Variants in TOM1L2 observed in about 807,000 individuals in gnomAD.
TOM1L2 encodes target of myb1 like 2 membrane trafficking protein.
In TOM1L2, 31 loss-of-function variants were observed where a neutral mutation model predicts 67.9. That is an observed-to-expected ratio of 0.46 (90% CI 0.34 to 0.62). TOM1L2 has a LOEUF of 0.62. Ranked by LOEUF, TOM1L2 falls within the 20% of genes least tolerant of loss-of-function variation. The pLI is 0.01. For synonymous variants in TOM1L2, 256 were observed against 254.0 expected, an observed-to-expected ratio of 1.01 and a Z score of -0.07; for missense variants, 606 against 663.5, an observed-to-expected ratio of 0.91 and a Z score of 0.95.
At chr17:17,897,222 C>T (rs548720865) in intron 3 of TOM1L2, among the ~76,000 whole-genome samples, 14 of 152,292 alleles carry the variant, frequency 9.2e-5, no homozygotes, top group African/African-American at 2.9e-4. Flanking sequence ...GAAAGCCACT[C>T]GTTTTGGGCA....
At chr17:17,909,159 C>T (rs770586024) in intron 1 of TOM1L2, among the ~76,000 whole-genome samples, 3 of 152,070 alleles carry the variant, frequency 2.0e-5, no homozygotes, top group Non-Finnish European at 2.9e-5. Flanking sequence ...CCAACCCGGG[C>T]GACAGAGCCA....
At chr17:17,897,892 A>C (rs1274065194) in intron 3 of TOM1L2, among the ~76,000 whole-genome samples, 1 of 150,560 alleles carries the variant, frequency 6.6e-6, no homozygotes, top group Non-Finnish European at 1.5e-5. Flanking sequence ...AGTCCCAGGC[A>C]GGGGCAGGTA....
At chr17:17,866,544 C>A in intron 9 of TOM1L2, 125 bp from the exon 10 acceptor site, 3 of 1,274,566 alleles carry the variant, frequency 2.4e-6, no homozygotes, top group Non-Finnish European at 3.2e-6. Context: ...AGTACAGAAG[C>A]AAGGCCACTT....
At chr17:17,966,380 A>C (rs1435475113) in intron 1 of TOM1L2, among the ~76,000 whole-genome samples, 1 of 152,230 alleles carries the variant, frequency 6.6e-6, no homozygotes, top group African/African-American at 2.4e-5. Flanking sequence ...CCACAAGAAA[A>C]CCTACATTTA....
At chr17:17,861,767 G>A (rs1462020502) in intron 11 of TOM1L2, 1 of 519,216 alleles carries the variant, frequency 1.9e-6, no homozygotes, top group Admixed American at 3.4e-5. Flanking sequence ...AGCTCAGGCT[G>A]AGCCACTAAT....
At chr17:17,903,164 C>T (rs907272756) in intron 2 of TOM1L2, among the ~76,000 whole-genome samples, 1 of 152,164 alleles carries the variant, frequency 6.6e-6, no homozygotes, top group Admixed American at 6.5e-5. Flanking sequence ...TATAGCTTCT[C>T]TCTCTCTCCC....
chr17:17,876,203 C>T (rs1375533124), intron 7 of TOM1L2, among the ~76,000 whole-genome samples: 1 of 152,200 alleles, frequency 6.6e-6, no homozygotes, highest in Non-Finnish European at 1.5e-5. Flanking sequence ...AGGGCATGCA[C>T]TTTAGCAGGG....
chr17:17,906,392 G>T (rs113111319), intron 2 of TOM1L2, among the ~76,000 whole-genome samples: 38 of 152,050 alleles, frequency 2.5e-4, no homozygotes, highest in African/African-American at 8.9e-4. Flanking sequence ...GCCTCCCAAG[G>T]TGCTAGGATT....
At chr17:17,896,470 C>T (rs1825351463) in intron 3 of TOM1L2, among the ~76,000 whole-genome samples, 2 of 152,192 alleles carry the variant, frequency 1.3e-5, no homozygotes, top group South Asian at 2.1e-4. Flanking sequence ...TCCTGCACAG[C>T]AGTCCTCAAG....
At chr17:17,963,191 G>T (rs1432595742) in intron 1 of TOM1L2, among the ~76,000 whole-genome samples, 9 of 152,174 alleles carry the variant, frequency 5.9e-5, no homozygotes, top group Admixed American at 5.9e-4. Context: ...TTTTAGCACA[G>T]TTACTGGACT....
At chr17:17,883,950 G>A (rs2037860610) in intron 5 of TOM1L2, among the ~76,000 whole-genome samples, 1 of 152,148 alleles carries the variant, frequency 6.6e-6, no homozygotes. Context: ...GGCTAGGAGT[G>A]GAGTTGATTC....
At chr17:17,962,242 G>T (rs1032920980) in intron 1 of TOM1L2, among the ~76,000 whole-genome samples, 1 of 152,148 alleles carries the variant, frequency 6.6e-6, no homozygotes, top group Admixed American at 6.5e-5. Context: ...CAGGGGCTGG[G>T]GGGAGGAGGG....
At chr17:17,891,784 C>CGTGTGT (rs374192888) in intron 4 of TOM1L2, among the ~76,000 whole-genome samples, 5,710 of 143,158 alleles carry the variant, frequency 0.04, 188 homozygotes, top group East Asian at 0.087. Context: ...TGCATGCACA[C>CGTGTGT]GTGTGTGTGT....
At chr17:17,898,574 C>T in intron 3 of TOM1L2, 22 bp downstream of exon 3, 6 of 1,613,774 alleles carry the variant, frequency 3.7e-6, no homozygotes, top group Non-Finnish European at 5.1e-6. Flanking sequence ...TGACTTCTCT[C>T]CTCAAGGAGA....
intron 1 of TOM1L2, among the ~76,000 whole-genome samples, chr17:17,952,314 G>A (rs2041235842): frequency 6.6e-6 from 1 of 151,554 alleles, no homozygotes; most frequent in Non-Finnish European, 1.5e-5. Context: ...TACCTCTGGG[G>A]AGCCTAGTTG....
intron 8 of TOM1L2, 32 bp downstream of exon 8, chr17:17,869,308 G>GAAAAAAA (rs34879782): frequency 7.5e-7 from 1 of 1,330,890 alleles, no homozygotes. Flanking sequence ...CTTTTCAAGG[G>GAAAAAAA]AAAAAAAAAA....
At chr17:17,868,611 A>C (rs1358522840) in intron 8 of TOM1L2, among the ~76,000 whole-genome samples, 1 of 152,192 alleles carries the variant, frequency 6.6e-6, no homozygotes, top group Non-Finnish European at 1.5e-5. Flanking sequence ...ATGAAAGCCC[A>C]GTGTGCTCCC....
chr17:17,855,233 G>T (rs1244823455), intron 12 of TOM1L2, among the ~76,000 whole-genome samples: 4 of 152,174 alleles, frequency 2.6e-5, no homozygotes, highest in African/African-American at 4.8e-5. Context: ...CCTGCCCAAG[G>T]GGGAGAGGCA....
At chr17:17,904,666 T>C (rs900556528) in intron 2 of TOM1L2, among the ~76,000 whole-genome samples, 4 of 152,026 alleles carry the variant, frequency 2.6e-5, no homozygotes, top group African/African-American at 4.8e-5. Flanking sequence ...ACCTCTAGGG[T>C]AAAGTGCAGA....
Sources: allele counts gnomAD v4.1 joint callset (sites outside exome capture counted in the v4.1 genomes callset), GRCh38; gene constraint gnomAD v4.1.1; transcripts MANE v1.5; gene names NCBI Gene and HGNC (gene_info 2026-07-23, HGNC 2026-07-21).